SSR2: variants seen among roughly 807,000 people sequenced by gnomAD.
The protein encoded by SSR2 is translocon-associated protein subunit beta.
In SSR2, 16 loss-of-function variants were observed where a neutral mutation model predicts 22.6. The ratio of observed to expected loss-of-function variants is 0.71; its 90% CI spans 0.48 to 1.08. The LOEUF is 1.08. SSR2 is among the 50% of genes least tolerant of loss of function. SSR2 has a pLI of 0.00. For synonymous variants in SSR2, 83 were observed against 91.2 expected (o/e 0.91, Z 0.51); for missense variants, 171 against 221.6 (o/e 0.77, Z 1.45).
intron 3 of SSR2, among the ~76,000 whole-genome samples, chr1:156,017,739 GT>G (rs757236241): frequency 5.1e-3 from 317 of 61,860 alleles, no homozygotes; most frequent in African/African-American, 0.015. Flanking sequence ...TATGTTTCAG[GT>G]TTTTTTTTTT....
At chr1:156,011,726 A>C in intron 5 of SSR2, 84 bp downstream of exon 5, 1 of 1,157,322 alleles carries the variant, frequency 8.6e-7, no homozygotes, top group Non-Finnish European at 1.3e-6. Context: ...CAACAAAACA[A>C]ATCTGTGGAA....
In SSR2 at chr1:156,009,660, A is replaced by T; in HGVS notation, c.442-10T>A. ...AGGCTGCCCAGTCCAGCTGTAAAGG[A>T]AAACAAAGACCTTGCTTAGAAGTCT... On this transcript the variant is annotated splice_polypyrimidine_tract_variant and intron_variant, in intron 5 of 5. Transcript: ENST00000295702. 1.3e-6 allele frequency: 2 copies of T among 1,588,916 alleles called. No homozygotes were observed. The highest frequency in any genetic ancestry group is 1.8e-5 in the Admixed American group (1 of 55,408).
chr1:156,011,507 G>A (rs1170780457), intron 5 of SSR2: 1 of 179,488 alleles, frequency 5.6e-6, no homozygotes, highest in African/African-American at 3.1e-5. Context: ...ATGACCCTCT[G>A]AATCTAATCA....
intron 3 of SSR2, among the ~76,000 whole-genome samples, chr1:156,015,837 A>G (rs1683047262): frequency 6.6e-6 from 1 of 151,812 alleles, no homozygotes; most frequent in Non-Finnish European, 1.5e-5. Context: ...CCAAAGCAAT[A>G]TATGTTATGG....
At position 156,011,879 on chromosome 1, in the gene SSR2, A is replaced by G. The variant is rs1296019716; in HGVS notation, c.372T>C (p.Ser124=). The change falls in exon 5 of 6, where the codon TCT becomes TCC. Residue 124 remains serine, a synonymous_variant. Transcript: ENST00000295702. Reference sequence around the variant, plus strand: ...TTCCTCCCTGTCCAGGTGCACTGGTAGAGCCAATCTGAAAAGAAGAAAAGA... The same window carrying G: ...TTCCTCCCTGTCCAGGTGCACTGGTGGAGCCAATCTGAAAAGAAGAAAAGA... The part of the protein sequence containing the change: ...AQEDGPVVIG[S]TSAPGQGGIL... 1 of 1,613,580 alleles carries G rather than the reference A, an allele frequency of 6.2e-7. No individual in the cohort carries two copies. Among genetic ancestry groups the G allele is most frequent in the East Asian group, 2.2e-5 (1 of 44,874 alleles).
intron 3 of SSR2, 67 bp downstream of exon 3, chr1:156,018,203 C>T: frequency 3.3e-6 from 4 of 1,203,902 alleles, no homozygotes; most frequent in Admixed American, 1.7e-5. Flanking sequence ...TTGAAGTACC[C>T]CTGCTGCTTT....
chr1:156,009,483 G>C lies in SSR2; in HGVS notation c.*57C>G. 1 of 1,360,382 alleles carries C rather than the reference G, an allele frequency of 7.4e-7. No individual in the cohort carries two copies. Among genetic ancestry groups the C allele is most frequent in the East Asian group, 2.3e-5 (1 of 43,718 alleles). 84.3% of individuals were successfully genotyped at this position (1,360,382 alleles called of 1,614,324 possible). A position where few individuals can be genotyped will look rare whatever the true frequency, so the allele number is the denominator to read the frequency against. ...CCCTTTGGAGTCTGGAAAGCACCTG[G>C]ATTTCTTGGGAGAGGAGCCTGGATT... On this transcript the variant is annotated 3_prime_UTR_variant, in exon 6 of 6. Coordinates refer to ENST00000295702, the MANE Select transcript of SSR2 (RefSeq NM_003145.4).
At chr1:156,014,198 T>G (rs560516109) in intron 4 of SSR2, 1 of 152,236 alleles carries the variant, frequency 6.6e-6, no homozygotes, top group South Asian at 2.1e-4. Context: ...AATGGCTCAC[T>G]GCAGCCTCAA....
At chr1:156,012,721 A>G (rs1572255863) in intron 4 of SSR2, 2 of 365,600 alleles carry the variant, frequency 5.5e-6, no homozygotes, top group East Asian at 1.5e-4. Flanking sequence ...CCTACTGTGT[A>G]CTAATTAGCC....
intron 1 of SSR2, chr1:156,020,464 G>T: frequency 2.9e-6 from 1 of 343,328 alleles, no homozygotes; most frequent in Non-Finnish European, 5.6e-6. Flanking sequence ...TGTGGCCAGA[G>T]CAGGGCTTCC....
At chr1:156,011,937 C>A in intron 4 of SSR2, 50 bp from the exon 5 acceptor site, 1 of 1,455,634 alleles carries the variant, frequency 6.9e-7, no homozygotes, top group South Asian at 1.1e-5. Flanking sequence ...TCATGAAGTT[C>A]CACCTCATCT....
intron 4 of SSR2, chr1:156,013,963 C>T (rs558332833): frequency 1.1e-4 from 16 of 152,342 alleles, no homozygotes; most frequent in Admixed American, 2.0e-4. Context: ...TTCAATCACT[C>T]TAGTCCAGAA....
At position 156,020,040 on chromosome 1, in the gene SSR2, T is replaced by C. The variant is rs746648955; in HGVS notation, c.128A>G (p.Gln43Arg). Residue 43 changes from glutamine to arginine, a missense_variant, in exon 2 of 6, where the codon CAG (glutamine) becomes CGG (arginine). Physicochemically the swap from Gln to Arg is conservative, Grantham distance 43 (BLOSUM62 1). Coordinates refer to ENST00000295702, the MANE Select transcript of SSR2 (RefSeq NM_003145.4). ...TGAGCCAACATTGTAGATGTTGTAC[T>C]GCAAGGTCAGGTCTCGTCCCTCCAC... is the stretch of plus-strand genomic sequence containing the variant. ...YAVEGRDLTL[Q>R]YNIYNVGSSA... 1.2e-6 allele frequency: 2 copies of C among 1,614,134 alleles called. No individual in the cohort carries two copies. The highest frequency in any genetic ancestry group is 2.2e-5 in the South Asian group (2 of 91,078).
chr1:156,020,026 T>G lies in SSR2; in HGVS notation c.142A>C (p.Asn48His). 5.6e-6 allele frequency: 9 copies of G among 1,613,774 alleles called. No individual in the cohort carries two copies. The highest frequency in any genetic ancestry group is 6.8e-6 in the Non-Finnish European group (8 of 1,179,828). Residue 48 changes from asparagine to histidine, a missense_variant, in exon 2 of 6, where the codon AAT becomes CAT. Asn to His is a moderately conservative substitution (Grantham distance 68). Transcript: ENST00000295702. ...RDLTLQYNIY[N>H]VGSSAALDVE... ...GCCTCGAGTTACCTTGAGCCAACAT[T>G]GTAGATGTTGTACTGCAAGGTCAGG...
chr1:156,018,140 C>T, intron 3 of SSR2, 130 bp downstream of exon 3: 1 of 662,768 alleles, frequency 1.5e-6, no homozygotes, highest in Non-Finnish European at 2.7e-6. Flanking sequence ...ACCTCTCTTG[C>T]TCCATCTTAT....
chr1:156,009,396 G>C lies in SSR2; in HGVS notation c.*144C>G, dbSNP rs1292388559. On this transcript the variant is annotated 3_prime_UTR_variant, in exon 6 of 6. Coordinates refer to ENST00000295702, the MANE Select transcript of SSR2 (RefSeq NM_003145.4). ...GGCTGGTCCTTCACTATGGCTGAGAGCAGGGCAGGATCCAGGAGAAAGTGG... is the reference window on the plus strand; with the variant it reads ...GGCTGGTCCTTCACTATGGCTGAGACCAGGGCAGGATCCAGGAGAAAGTGG... 8 of 691,514 alleles carry C rather than the reference G, an allele frequency of 1.2e-5. No homozygotes were observed. The highest frequency in any genetic ancestry group is 2.0e-5 in the Non-Finnish European group (8 of 391,248). The allele number at this position is 691,514 out of a possible 1,614,324, so 42.8% of individuals were successfully genotyped here. A position where few individuals can be genotyped will look rare whatever the true frequency, so the allele number is the denominator to read the frequency against.
chr1:156,018,773 G>A (rs899401766), intron 2 of SSR2, among the ~76,000 whole-genome samples: 3 of 151,938 alleles, frequency 2.0e-5, no homozygotes, highest in Admixed American at 6.6e-5. Context: ...CTAGCACTTT[G>A]GGAGGCTGAG....
At chr1:156,016,121 AGACAAGAGC>A (rs1482197238) in intron 3 of SSR2, among the ~76,000 whole-genome samples, 2 of 152,206 alleles carry the variant, frequency 1.3e-5, no homozygotes, top group African/African-American at 2.4e-5. Flanking sequence ...ATTGCACTCA[AGACAAGAGC>A]GACAAGAGCG....
At chr1:156,009,673 T>G in intron 5 of SSR2, 23 bp from the exon 6 acceptor site, 1 of 1,557,404 alleles carries the variant, frequency 6.4e-7, no homozygotes. Context: ...ACAAAGACCT[T>G]GCTTAGAAGT....
Sources: gnomAD v4.1 joint callset for allele counts (sites outside exome capture counted in the v4.1 genomes callset) on GRCh38, gnomAD v4.1.1 for gene constraint, MANE v1.5 for transcripts, NCBI Gene and HGNC (gene_info 2026-07-23, HGNC 2026-07-21) for gene names.